The following RASGRF2 variants were observed in gnomAD, a reference collection of about 807,000 sequenced individuals.
The protein encoded by RASGRF2 is Ras protein specific guanine nucleotide releasing factor 2.
A neutral mutation model predicts 151.0 loss-of-function variants in RASGRF2; 76 were observed. That is an observed-to-expected ratio of 0.50 (90% CI 0.42 to 0.61). The LOEUF (loss-of-function observed/expected upper bound fraction) is 0.61, where lower values mean the gene tolerates loss of function less well. Ranked by LOEUF, RASGRF2 falls within the 20% of genes least tolerant of loss-of-function variation. RASGRF2 has a pLI of 0.00. For missense variants in RASGRF2, 1,148 were observed against 1,564.6 expected (o/e 0.73, Z 4.49); for synonymous variants, 504 against 566.5 (o/e 0.89, Z 1.57).
intron 1 of RASGRF2, among the ~76,000 whole-genome samples, chr5:81,014,042 A>G (rs1189175050): frequency 1.3e-5 from 2 of 151,750 alleles, no homozygotes; most frequent in Admixed American, 1.3e-4. Flanking sequence ...TTTTTTATTG[A>G]TTATATATGT....
intron 1 of RASGRF2, among the ~76,000 whole-genome samples, chr5:81,026,559 T>G (rs1028126630): frequency 2.0e-5 from 3 of 152,096 alleles, no homozygotes; most frequent in East Asian, 3.8e-4. Flanking sequence ...AGAAAAGAAA[T>G]AAGTAGGTAG....
intron 19 of RASGRF2, among the ~76,000 whole-genome samples, chr5:81,205,267 CTG>C (rs546048942): frequency 8.3e-4 from 126 of 152,326 alleles, no homozygotes; most frequent in Non-Finnish European, 1.4e-3. Flanking sequence ...TGTTTATTGA[CTG>C]TGTGCTGTGT....
chr5:81,065,216 T>C (rs544362622), intron 2 of RASGRF2, among the ~76,000 whole-genome samples: 1 of 152,254 alleles, frequency 6.6e-6, no homozygotes, highest in East Asian at 1.9e-4. Flanking sequence ...AGATAATAAA[T>C]ATATGTTGAT....
intron 1 of RASGRF2, among the ~76,000 whole-genome samples, chr5:80,984,866 C>T (rs891635159): frequency 1.3e-5 from 2 of 152,158 alleles, no homozygotes; most frequent in African/African-American, 4.8e-5. Context: ...TAGAGAGTCT[C>T]TATAGAGGAT....
rs368385161 is a variant in RASGRF2, at chr5:81,073,376, C to T, written c.811C>T (p.Arg271Trp). The change falls in exon 5 of 27, where the codon CGG becomes TGG. Residue 271 changes from arginine to tryptophan, a missense_variant. Arg to Trp is a moderately radical substitution (Grantham distance 101). This residue lies in a region of RASGRF2 where 176 missense variants were observed against 309.6 expected (regional missense o/e 0.57). Coordinates refer to ENST00000265080, the MANE Select transcript of RASGRF2 (RefSeq NM_006909.3). ...CTACATCCTGGTCAATGGCTTTCTCCGGCCCCTGCGTATGGCCGCCAGCTC... is the reference window on the plus strand; with the variant it reads ...CTACATCCTGGTCAATGGCTTTCTCTGGCCCCTGCGTATGGCCGCCAGCTC... ...QLYILVNGFL[R>W]PLRMAASSKK... is the part of the protein sequence containing the mutation. 4.6e-5 allele frequency: 74 copies of T among 1,613,994 alleles called. No individual in the cohort carries two copies. The highest frequency in any genetic ancestry group is 8.3e-5 in the Admixed American group (5 of 60,002).
intron 24 of RASGRF2, chr5:81,216,979 T>C (rs1204238417): frequency 2.2e-6 from 1 of 458,024 alleles, no homozygotes; most frequent in Non-Finnish European, 4.4e-6. Flanking sequence ...CAAGGCTGAA[T>C]ACTTGATTTA....
intron 19 of RASGRF2, among the ~76,000 whole-genome samples, chr5:81,201,899 C>T (rs183190148): frequency 1.3e-5 from 2 of 152,332 alleles, no homozygotes; most frequent in East Asian, 3.9e-4. Flanking sequence ...TTCTTTGGCT[C>T]ATTTCACTGG....
intron 19 of RASGRF2, 103 bp downstream of exon 19, chr5:81,201,545 A>C: frequency 7.9e-7 from 1 of 1,264,342 alleles, no homozygotes; most frequent in Non-Finnish European, 1.1e-6. Context: ...GACAGTGGGG[A>C]CTATGTTCTC....
At chr5:81,061,713 G>A (rs898157446) in intron 2 of RASGRF2, among the ~76,000 whole-genome samples, 3 of 151,058 alleles carry the variant, frequency 2.0e-5, no homozygotes, top group Non-Finnish European at 4.4e-5. Context: ...TCTGAGATAG[G>A]GTCTCATTTT....
intron 12 of RASGRF2, among the ~76,000 whole-genome samples, chr5:81,099,255 T>G (rs1752629074): frequency 6.6e-6 from 1 of 152,252 alleles, no homozygotes; most frequent in South Asian, 2.1e-4. Context: ...TTACCTCATT[T>G]ACTTCTTTCT....
At chr5:81,143,212 A>C (rs1753925056) in intron 17 of RASGRF2, among the ~76,000 whole-genome samples, 1 of 151,992 alleles carries the variant, frequency 6.6e-6, no homozygotes, top group Admixed American at 6.6e-5. Context: ...GCAGTGGCGC[A>C]ATCTCCACTC....
intron 1 of RASGRF2, among the ~76,000 whole-genome samples, chr5:81,031,735 AAG>A (rs1750257370): frequency 6.6e-6 from 1 of 152,246 alleles, no homozygotes; most frequent in African/African-American, 2.4e-5. Flanking sequence ...TCACAATTAA[AAG>A]AACTAGAGAA....
At chr5:81,056,028 A>G (rs1360068041) in intron 2 of RASGRF2, among the ~76,000 whole-genome samples, 10 of 151,464 alleles carry the variant, frequency 6.6e-5, no homozygotes, top group East Asian at 1.9e-4. Context: ...TTTCTTCTTT[A>G]TTAGTCTTGC....
chr5:81,070,120 A>G lies in RASGRF2; in HGVS notation c.544-372A>G, dbSNP rs1171765621. The G allele has an allele frequency of 1.8e-5, 4 of 220,510 alleles. No individual in the cohort carries two copies. In the East Asian group the frequency reaches 4.2e-4, roughly 23 times the overall value. The allele number at this position is 220,510 out of a possible 1,614,324, so 13.7% of individuals were successfully genotyped here. A position where few individuals can be genotyped will look rare whatever the true frequency, so the allele number is the denominator to read the frequency against. On this transcript the variant is annotated intron_variant, in intron 3 of 26. Transcript: ENST00000265080. ...GGGGCTCTGAGCTGAGTGTCACTGC[A>G]TGTGGGGACCACAGGACATTGCAGG...
At chr5:80,993,448 G>A (rs549009016) in intron 1 of RASGRF2, among the ~76,000 whole-genome samples, 22 of 152,224 alleles carry the variant, frequency 1.4e-4, no homozygotes, top group Admixed American at 4.6e-4. Context: ...TCATCACTCC[G>A]TTTCCTAATT....
chr5:81,197,551 T>A (rs866518564), intron 18 of RASGRF2, among the ~76,000 whole-genome samples: 1 of 150,720 alleles, frequency 6.6e-6, no homozygotes, highest in South Asian at 2.1e-4. Flanking sequence ...AAATACTAAA[T>A]TCAAATTAGA....
At chr5:80,973,744 G>T (rs1014210054) in intron 1 of RASGRF2, among the ~76,000 whole-genome samples, 2 of 152,212 alleles carry the variant, frequency 1.3e-5, no homozygotes, top group African/African-American at 4.8e-5. Context: ...AAGTGGCCAA[G>T]AAGTGATGAT....
At chr5:81,195,642 G>A (rs189336390) in intron 18 of RASGRF2, among the ~76,000 whole-genome samples, 24 of 151,634 alleles carry the variant, frequency 1.6e-4, no homozygotes, top group Admixed American at 7.9e-4. Flanking sequence ...TGGACCCCGG[G>A]CCAGCAGCAT....
chr5:81,143,185 G>A (rs1309664658), intron 17 of RASGRF2, among the ~76,000 whole-genome samples: 1 of 151,970 alleles, frequency 6.6e-6, no homozygotes, highest in Non-Finnish European at 1.5e-5. Context: ...GTCTCACTCT[G>A]TCGCACAGGC....
Sources: allele counts gnomAD v4.1 joint callset (sites outside exome capture counted in the v4.1 genomes callset), GRCh38; gene constraint gnomAD v4.1.1; regional missense constraint gnomAD v4.1.1; transcripts MANE v1.5; gene names NCBI Gene and HGNC (gene_info 2026-07-23, HGNC 2026-07-21).